Variants in LCLAT1 observed in about 807,000 individuals in gnomAD.
The protein encoded by LCLAT1 is lysocardiolipin acyltransferase 1.
A neutral mutation model predicts 30.7 loss-of-function variants in LCLAT1; 11 were observed. That is an observed-to-expected ratio of 0.36 (90% CI 0.23 to 0.59). The LOEUF is 0.59. Among genes scored for constraint, LCLAT1 ranks in the 20% least tolerant of loss-of-function variants. The pLI is 0.77. For synonymous variants in LCLAT1, 155 were observed against 151.3 expected, an observed-to-expected ratio of 1.02 and a Z score of -0.18; for missense variants, 402 against 458.6, an observed-to-expected ratio of 0.88 and a Z score of 1.13.
At chr2:30,537,396 A>C (rs2148403606) in intron 3 of LCLAT1, among the ~76,000 whole-genome samples, 1 of 152,172 alleles carries the variant, frequency 6.6e-6, no homozygotes, top group African/African-American at 2.4e-5. Context: ...TCAAAAAAAA[A>C]AAAAGATAGA....
chr2:30,533,556 T>C (rs1240858156), intron 3 of LCLAT1, among the ~76,000 whole-genome samples: 1 of 152,228 alleles, frequency 6.6e-6, no homozygotes, highest in African/African-American at 2.4e-5. Flanking sequence ...ATATAGTATC[T>C]GAGGACCACA....
At chr2:30,519,803 T>G (rs1183452119) in intron 1 of LCLAT1, among the ~76,000 whole-genome samples, 1 of 152,128 alleles carries the variant, frequency 6.6e-6, no homozygotes, top group African/African-American at 2.4e-5. Flanking sequence ...GAGCTTTGGT[T>G]TCACTCTGTT....
At chr2:30,455,743 T>A (rs1681799561) in intron 1 of LCLAT1, among the ~76,000 whole-genome samples, 1 of 150,230 alleles carries the variant, frequency 6.7e-6, no homozygotes, top group Non-Finnish European at 1.5e-5. Context: ...CCTGACTCTA[T>A]AAAAAAAAAT....
Position 30,520,760 on chromosome 2 carries a change from T to C in LCLAT1, c.-4-4827T>C, listed in dbSNP as rs376925851. On this transcript the variant is annotated intron_variant, in intron 1 of 5. Transcript: ENST00000379509. ...CCGTATTATAAGAGAATAGTAAATATTGTCAGATTTTTATATACATAGCAT... is the reference window on the plus strand; with the variant it reads ...CCGTATTATAAGAGAATAGTAAATACTGTCAGATTTTTATATACATAGCAT... 2.6e-5 allele frequency among the ~76,000 whole-genome samples: 4 copies of C among 152,224 alleles called. No individual in the cohort carries two copies. The South Asian group carries it at 8.3e-4, about 32-fold the overall frequency.
intron 5 of LCLAT1, among the ~76,000 whole-genome samples, chr2:30,577,594 A>G: frequency 6.6e-6 from 1 of 152,202 alleles, no homozygotes; most frequent in East Asian, 1.9e-4. Context: ...GGAAATTAAA[A>G]TGAAACTGCT....
chr2:30,512,231 A>C (rs1049794049), intron 1 of LCLAT1, among the ~76,000 whole-genome samples: 7 of 152,122 alleles, frequency 4.6e-5, no homozygotes, highest in Non-Finnish European at 8.8e-5. Flanking sequence ...TTTTTATCAA[A>C]ATTAATAAAT....
intron 4 of LCLAT1, among the ~76,000 whole-genome samples, chr2:30,565,179 G>T (rs1288290481): frequency 1.3e-5 from 2 of 152,158 alleles, no homozygotes; most frequent in African/African-American, 2.4e-5. Flanking sequence ...TTATTTTAAG[G>T]AATTGGCTCT....
At chr2:30,608,017 T>C (rs1208465612) in intron 5 of LCLAT1, among the ~76,000 whole-genome samples, 1 of 151,972 alleles carries the variant, frequency 6.6e-6, no homozygotes, top group Non-Finnish European at 1.5e-5. Flanking sequence ...AAGCGAAGTG[T>C]TATAAAAGAG....
At chr2:30,528,117 A>G (rs1017952213) in intron 2 of LCLAT1, among the ~76,000 whole-genome samples, 9 of 152,192 alleles carry the variant, frequency 5.9e-5, no homozygotes, top group African/African-American at 1.9e-4. Context: ...CTTTCTTTCT[A>G]TACCAGTGAC....
chr2:30,540,916 G>A (rs1032120095), intron 3 of LCLAT1, among the ~76,000 whole-genome samples: 10 of 152,074 alleles, frequency 6.6e-5, no homozygotes, highest in Non-Finnish European at 1.3e-4. Context: ...GCCTGCCTTA[G>A]CCTCCCAAAG....
Position 30,634,907 on chromosome 2 carries a change from C to T in LCLAT1, c.629-5210C>T, listed in dbSNP as rs114336187. 8.9e-3 allele frequency among the ~76,000 whole-genome samples: 1,356 copies of T among 152,286 alleles called. 27 individuals are homozygous for T. The highest frequency in any genetic ancestry group is 0.031 in the African/African-American group (1,305 of 41,554). On this transcript the variant is annotated intron_variant, in intron 5 of 5. Coordinates refer to ENST00000379509, the MANE Select transcript of LCLAT1 (RefSeq NM_001002257.3). ...CCATGCTAACCTCTTTCACCTGTTCCCTATACGGAGAAGCTCAGTTGTTTG... is the reference window on the plus strand; with the variant it reads ...CCATGCTAACCTCTTTCACCTGTTCTCTATACGGAGAAGCTCAGTTGTTTG...
intron 1 of LCLAT1, among the ~76,000 whole-genome samples, chr2:30,517,603 A>G (rs1054989078): frequency 1.3e-5 from 2 of 152,208 alleles, no homozygotes; most frequent in African/African-American, 4.8e-5. Flanking sequence ...AGCAAATTGA[A>G]TAAATTAAAG....
chr2:30,562,192 GA>G lies in LCLAT1; in HGVS notation c.413del (p.Lys138ArgfsTer10), dbSNP rs781020487. 1 of 1,613,472 alleles carries G rather than the reference GA, an allele frequency of 6.2e-7. No individual in the cohort carries two copies. Among genetic ancestry groups the G allele is most frequent in the Non-Finnish European group, 8.5e-7 (1 of 1,179,564 alleles). ...CCTATATCTTCATTCATAGGAAATG[GA>G]AGGATGACAAGAGCCATTTCGAAGA... ...AAYIFIHRKW[K>X]DDKSHFEDMI... On this transcript the variant is annotated frameshift_variant, in exon 4 of 6. Transcript: ENST00000379509. LOFTEE classifies it high-confidence loss of function.
At position 30,516,914 on chromosome 2, in the gene LCLAT1, G is replaced by A. The variant is rs538352098; in HGVS notation, c.-4-8673G>A. Among the ~76,000 whole-genome samples, 11 of 152,318 alleles carry A rather than the reference G, an allele frequency of 7.2e-5. No individual in the cohort carries two copies. In the South Asian group the frequency reaches 2.3e-3, roughly 32 times the overall value. ...CGAACAGCCCCCATCTGAGTTGGGAGCATTGGTCTGCCTGGAACCAGCTTC... is the reference window on the plus strand; with the variant it reads ...CGAACAGCCCCCATCTGAGTTGGGAACATTGGTCTGCCTGGAACCAGCTTC... On this transcript the variant is annotated intron_variant, in intron 1 of 5. Coordinates refer to ENST00000379509, the MANE Select transcript of LCLAT1 (RefSeq NM_001002257.3).
intron 5 of LCLAT1, among the ~76,000 whole-genome samples, chr2:30,582,991 A>C (rs1666269185): frequency 6.6e-6 from 1 of 152,240 alleles, no homozygotes; most frequent in African/African-American, 2.4e-5. Context: ...TTAATAATTC[A>C]GATCTTTGTA....
chr2:30,464,440 T>A (rs958184034), intron 1 of LCLAT1, among the ~76,000 whole-genome samples: 7 of 152,196 alleles, frequency 4.6e-5, no homozygotes, highest in African/African-American at 1.7e-4. Flanking sequence ...GAAAGTAGTT[T>A]GTCTCAAATT....
chr2:30,491,036 C>T (rs183277646), intron 1 of LCLAT1, among the ~76,000 whole-genome samples: 5 of 152,160 alleles, frequency 3.3e-5, no homozygotes, highest in South Asian at 2.1e-4. Flanking sequence ...TTTTAAAAAA[C>T]GTGGGTACTA....
chr2:30,537,015 G>A (rs1487558755), intron 3 of LCLAT1, among the ~76,000 whole-genome samples: 5 of 152,134 alleles, frequency 3.3e-5, no homozygotes, highest in Non-Finnish European at 5.9e-5. Context: ...TGAAATGAAG[G>A]AATTGAGAAA....
At chr2:30,535,275 G>C (rs1454410349) in intron 3 of LCLAT1, among the ~76,000 whole-genome samples, 1 of 152,158 alleles carries the variant, frequency 6.6e-6, no homozygotes, top group African/African-American at 2.4e-5. Flanking sequence ...TTTATGAAGA[G>C]AAATAAATTC....
Sources: gnomAD v4.1 joint callset for allele counts (sites outside exome capture counted in the v4.1 genomes callset) on GRCh38, gnomAD v4.1.1 for gene constraint, MANE v1.5 for transcripts, NCBI Gene and HGNC (gene_info 2026-07-23, HGNC 2026-07-21) for gene names.